CACNA1E: variants seen among roughly 807,000 people sequenced by gnomAD.
The protein encoded by CACNA1E is calcium voltage-gated channel subunit alpha1 E.
A neutral mutation model predicts 259.2 loss-of-function variants in CACNA1E; 40 were observed. The ratio of observed to expected loss-of-function variants is 0.15; its 90% CI spans 0.12 to 0.20. The LOEUF (loss-of-function observed/expected upper bound fraction) is 0.20. Among genes scored for constraint, CACNA1E ranks in the 10% least tolerant of loss-of-function variants. The pLI is 1.00. For synonymous variants in CACNA1E, 1,104 were observed against 1,138.5 expected (o/e 0.97, Z 0.61); for missense variants, 1,874 against 3,040.1 (o/e 0.62, Z 9.02).
chr1:181,418,743 C>T (rs1244113825), intron 2 of CACNA1E, among the ~76,000 whole-genome samples: 1 of 151,990 alleles, frequency 6.6e-6, no homozygotes, highest in Non-Finnish European at 1.5e-5. Flanking sequence ...TCAATTCTTG[C>T]CAATCCCCAG....
intron 7 of CACNA1E, among the ~76,000 whole-genome samples, chr1:181,682,925 A>G (rs536021089): frequency 6.6e-6 from 1 of 152,312 alleles, no homozygotes; most frequent in East Asian, 1.9e-4. Context: ...ACAGCTTGAC[A>G]TGAGATTTGG....
At chr1:181,508,144 G>A (rs546319194) in intron 1 of CACNA1E, among the ~76,000 whole-genome samples, 2 of 97,502 alleles carry the variant, frequency 2.1e-5, no homozygotes, top group Admixed American at 9.4e-5. Flanking sequence ...TGTCCCAAAC[G>A]CCTTGTGTGT....
At chr1:181,600,950 CTAT>C (rs1653681051) in intron 6 of CACNA1E, among the ~76,000 whole-genome samples, 1 of 152,296 alleles carries the variant, frequency 6.6e-6, no homozygotes, top group Non-Finnish European at 1.5e-5. Context: ...AACTTAATGT[CTAT>C]TAGCACTGCA....
At chr1:181,329,661 T>A (rs1235738370) in intron 1 of CACNA1E, among the ~76,000 whole-genome samples, 2 of 152,234 alleles carry the variant, frequency 1.3e-5, no homozygotes, top group African/African-American at 4.8e-5. Flanking sequence ...ATTTCTTCAG[T>A]GAGATCTTCT....
At chr1:181,489,069 C>T (rs752747007) in intron 1 of CACNA1E, among the ~76,000 whole-genome samples, 3 of 152,204 alleles carry the variant, frequency 2.0e-5, no homozygotes, top group Non-Finnish European at 2.9e-5. Flanking sequence ...ACCTCCCTTA[C>T]GTCATGCACA....
intron 35 of CACNA1E, among the ~76,000 whole-genome samples, chr1:181,769,387 C>T (rs1450314040): frequency 6.7e-6 from 1 of 148,156 alleles, no homozygotes; most frequent in East Asian, 2.0e-4. Flanking sequence ...TTAAGAACAT[C>T]TTCACAATAA....
intron 35 of CACNA1E, among the ~76,000 whole-genome samples, chr1:181,769,549 T>TGCC (rs1659317868): frequency 6.6e-6 from 1 of 151,986 alleles, no homozygotes; most frequent in Non-Finnish European, 1.5e-5. Context: ...GTGCTGGGAT[T>TGCC]ACAGGTGTGA....
At chr1:181,409,434 G>C (rs2102130160) in intron 1 of CACNA1E, among the ~76,000 whole-genome samples, 1 of 152,276 alleles carries the variant, frequency 6.6e-6, no homozygotes, top group Admixed American at 6.5e-5. Context: ...ACATCCTACT[G>C]TGTGCCCAAG....
intron 3 of CACNA1E, among the ~76,000 whole-genome samples, chr1:181,531,565 G>T (rs1382765691): frequency 3.3e-5 from 5 of 152,230 alleles, no homozygotes. Flanking sequence ...GAGCTGGGCA[G>T]GGCGGGAGGT....
chr1:181,613,378 G>A (rs1654926999), intron 6 of CACNA1E, among the ~76,000 whole-genome samples: 1 of 152,114 alleles, frequency 6.6e-6, no homozygotes, highest in Admixed American at 6.6e-5. Context: ...AACGTAAGCT[G>A]TCCATTAATA....
intron 7 of CACNA1E, among the ~76,000 whole-genome samples, chr1:181,704,906 A>G (rs947722079): frequency 2.0e-5 from 3 of 152,268 alleles, no homozygotes; most frequent in African/African-American, 4.8e-5. Flanking sequence ...TCGCTAGACA[A>G]GCATCGAGAT....
chr1:181,644,907 G>T (rs1433099385), intron 6 of CACNA1E, among the ~76,000 whole-genome samples: 3 of 152,174 alleles, frequency 2.0e-5, no homozygotes. Context: ...GCAGGGGCAG[G>T]AATAACATTC....
Position 181,483,990 on chromosome 1 carries a change from C to T in CACNA1E, c.246C>T (p.Ala82=). 6.2e-7 allele frequency: 1 copy of T among 1,613,754 alleles called. No homozygotes were observed. The highest frequency in any genetic ancestry group is 8.5e-7 in the Non-Finnish European group (1 of 1,179,766). ...FGEDNIVRKY[A]KKLIDWPPFE... ...AAGATAACATTGTCAGGAAATATGC[C>T]AAGAAGCTCATCGATTGGCCATATC... The change falls in exon 1 of 48, where the codon GCC becomes GCT. Residue 82 remains alanine, a synonymous_variant. Coordinates refer to ENST00000367573, the MANE Select transcript of CACNA1E (RefSeq NM_001205293.3).
In CACNA1E at chr1:181,732,684, C is replaced by T. The variant is rs771874466; in HGVS notation, c.2598C>T (p.Ala866=). The change falls in exon 20 of 48, where the codon GCC becomes GCT. Residue 866 remains alanine, a synonymous_variant. Coordinates refer to ENST00000367573, the MANE Select transcript of CACNA1E (RefSeq NM_001205293.3). The surrounding 1 kb of genome is among the most constrained non-coding windows in gnomAD (Gnocchi z 5.5). ...LKGDGGDRSS[A]LDNQRTPLSL... ...GGGATGGAGGGGACCGATCCAGTGC[C>T]CTGGACAACCAGAGGACCCCTTTGT... is the stretch of plus-strand genomic sequence containing the variant. 6.5e-7 allele frequency: 1 copy of T among 1,530,072 alleles called. No homozygotes were observed. Among genetic ancestry groups the T allele is most frequent in the Non-Finnish European group, 8.8e-7 (1 of 1,140,670 alleles). 94.8% of individuals were successfully genotyped at this position (1,530,072 alleles called of 1,614,324 possible).
chr1:181,362,396 G>A (rs1653948258), intron 1 of CACNA1E, among the ~76,000 whole-genome samples: 1 of 152,222 alleles, frequency 6.6e-6, no homozygotes, highest in African/African-American at 2.4e-5. Flanking sequence ...TCTTGCCTTT[G>A]TTGCTGTTTC....
intron 7 of CACNA1E, among the ~76,000 whole-genome samples, chr1:181,682,997 C>G (rs1473377134): frequency 6.6e-6 from 1 of 152,220 alleles, no homozygotes; most frequent in African/African-American, 2.4e-5. Flanking sequence ...TGTCCTTTAA[C>G]ATGCAGTGTC....
At chr1:181,396,479 A>G (rs1326541140) in intron 1 of CACNA1E, among the ~76,000 whole-genome samples, 2 of 152,214 alleles carry the variant, frequency 1.3e-5, no homozygotes, top group African/African-American at 4.8e-5. Flanking sequence ...AGTTGGTGTA[A>G]GAAGGGATGG....
At chr1:181,422,392 C>T (rs1388958077) in intron 2 of CACNA1E, among the ~76,000 whole-genome samples, 1 of 152,218 alleles carries the variant, frequency 6.6e-6, no homozygotes, top group Non-Finnish European at 1.5e-5. Flanking sequence ...TATGTGTTCA[C>T]CTGGCCTCTG....
chr1:181,718,705 C>T (rs1461189711), intron 12 of CACNA1E, among the ~76,000 whole-genome samples: 1 of 150,928 alleles, frequency 6.6e-6, no homozygotes, highest in Non-Finnish European at 1.5e-5. Context: ...ATATCTCAGT[C>T]AGCTGTTTAC....
Sources: gnomAD v4.1 joint callset for allele counts (sites outside exome capture counted in the v4.1 genomes callset) on GRCh38, gnomAD v4.1.1 for gene constraint, Gnocchi (gnomAD v3.1) non-coding constraint, MANE v1.5 for transcripts, NCBI Gene and HGNC (gene_info 2026-07-23, HGNC 2026-07-21) for gene names.